Variants in FREM3 observed in about 807,000 individuals in gnomAD.
The protein encoded by FREM3 is FRAS1 related extracellular matrix 3.
Under a neutral mutation model 129.1 loss-of-function variants are expected in FREM3, and 105 were observed. The ratio of observed to expected loss-of-function variants is 0.81; its 90% CI spans 0.69 to 0.96. FREM3 has a LOEUF of 0.96. Ranked by LOEUF, FREM3 falls within the 40% of genes least tolerant of loss-of-function variation. The pLI is 0.00. For missense variants in FREM3, 2,593 were observed against 2,666.3 expected, an observed-to-expected ratio of 0.97 and a Z score of 0.61; for synonymous variants, 1,014 against 1,044.9, an observed-to-expected ratio of 0.97 and a Z score of 0.57.
chr4:143,678,574 G>C (rs1352579202), intron 2 of FREM3, among the ~76,000 whole-genome samples: 1 of 151,530 alleles, frequency 6.6e-6, no homozygotes, highest in Non-Finnish European at 1.5e-5. Context: ...AGAAGAAAAA[G>C]CCTGTGTTTG....
At position 143,700,211 on chromosome 4, in the gene FREM3, G is replaced by A. The variant is rs1256598430; in HGVS notation, c.465C>T (p.Pro155=). Residue 155 remains proline (P), a synonymous_variant, in exon 1 of 8, where the codon CCC becomes CCT. Coordinates refer to ENST00000329798, the MANE Select transcript of FREM3 (RefSeq NM_001168235.2). ...YDAPTHTLVL[P]FTLAVDLVFS... Reference sequence around the variant, plus strand: ...AGACCAAGTCCACCGCCAGCGTGAAGGGCAGCACCAGAGTGTGAGTCGGGG... The same window carrying A: ...AGACCAAGTCCACCGCCAGCGTGAAAGGCAGCACCAGAGTGTGAGTCGGGG... The A allele has an allele frequency of 1.3e-6, 2 of 1,536,996 alleles. No individual in the cohort carries two copies. The highest frequency in any genetic ancestry group is 2.4e-5 in the East Asian group (1 of 40,914).
chr4:143,614,241 A>T (rs920541204), intron 5 of FREM3, among the ~76,000 whole-genome samples: 4 of 152,216 alleles, frequency 2.6e-5, no homozygotes, highest in Non-Finnish European at 5.9e-5. Context: ...TCCTTTTAGG[A>T]TTCTAGAAAA....
intron 2 of FREM3, among the ~76,000 whole-genome samples, chr4:143,666,084 G>A (rs924914002): frequency 1.3e-5 from 2 of 151,990 alleles, no homozygotes; most frequent in African/African-American, 4.8e-5. Flanking sequence ...ATACCTGCCA[G>A]GGTTTTACAA....
At position 143,696,807 on chromosome 4, in the gene FREM3, G is replaced by A. The variant is rs910743911; in HGVS notation, c.3869C>T (p.Thr1290Ile). Residue 1290 changes from threonine (T) to isoleucine (I), a missense_variant, in exon 1 of 8, where the codon ACA (threonine) becomes ATA (isoleucine). Thr to Ile is a moderately conservative substitution (Grantham distance 89). Coordinates refer to ENST00000329798, the MANE Select transcript of FREM3 (RefSeq NM_001168235.2). The stretch of plus-strand genomic sequence containing the variant: ...TACAATGGGTACCTTCCTGTGGGTT[G>A]TGTGCTTGCCGTCACTCAGCCAGAC... ...FEVWLSDGKH[T>I]THRKVPIVVT... 6 of 1,537,782 alleles carry A rather than the reference G, an allele frequency of 3.9e-6. No individual in the cohort carries two copies. The highest frequency in any genetic ancestry group is 5.2e-6 in the Non-Finnish European group (6 of 1,147,034).
chr4:143,603,839 A>G (rs895024762), intron 6 of FREM3, among the ~76,000 whole-genome samples: 1 of 152,122 alleles, frequency 6.6e-6, no homozygotes, highest in Admixed American at 6.6e-5. Context: ...CTGTAATTCA[A>G]CAGTGTATAG....
At chr4:143,640,528 G>A (rs1739305108) in intron 2 of FREM3, among the ~76,000 whole-genome samples, 1 of 152,098 alleles carries the variant, frequency 6.6e-6, no homozygotes, top group South Asian at 2.1e-4. Flanking sequence ...AAATTAGCTG[G>A]GCGTGGTGAC....
intron 2 of FREM3, among the ~76,000 whole-genome samples, chr4:143,662,782 A>G (rs1739762159): frequency 1.3e-5 from 2 of 151,926 alleles, no homozygotes; most frequent in Non-Finnish European, 1.5e-5. Context: ...TTGGGTGTAT[A>G]TATATTTAGG....
intron 4 of FREM3, 107 bp downstream of exon 4, chr4:143,624,001 A>G (rs1036601871): frequency 1.1e-5 from 7 of 641,084 alleles, no homozygotes; most frequent in Non-Finnish European, 1.6e-5. Flanking sequence ...TCCTAAATGG[A>G]TATGAACGCA....
chr4:143,660,536 CT>C (rs1428463763), intron 2 of FREM3, among the ~76,000 whole-genome samples: 1 of 152,130 alleles, frequency 6.6e-6, no homozygotes, highest in Non-Finnish European at 1.5e-5. Context: ...CAGCTTTGTT[CT>C]TTTGGCTTAG....
At chr4:143,599,446 G>T (rs1160966805) in intron 6 of FREM3, among the ~76,000 whole-genome samples, 1 of 152,158 alleles carries the variant, frequency 6.6e-6, no homozygotes, top group Non-Finnish European at 1.5e-5. Context: ...AAATGAAGAG[G>T]TTGAACTAGA....
intron 2 of FREM3, among the ~76,000 whole-genome samples, chr4:143,639,050 C>T (rs1394352927): frequency 6.6e-6 from 1 of 151,988 alleles, no homozygotes; most frequent in African/African-American, 2.4e-5. Flanking sequence ...ATGTAAGGAT[C>T]CTTCTGTGTT....
Position 143,585,502 on chromosome 4 carries a change from C to T in FREM3, c.6178+342G>A, listed in dbSNP as rs929801919. Among the ~76,000 whole-genome samples the T allele has an allele frequency of 2.0e-5, 3 of 152,156 alleles. No individual in the cohort carries two copies. Among genetic ancestry groups the T allele is most frequent in the South Asian group, 2.1e-4 (1 of 4,818 alleles). The stretch of plus-strand genomic sequence containing the variant: ...TCTAATATGTGACGAGATTCTTCCA[C>T]GAGTTGGGACTTGCTTGGCCATTAT... On this transcript the variant is annotated intron_variant, in intron 7 of 7. Coordinates refer to ENST00000329798, the MANE Select transcript of FREM3 (RefSeq NM_001168235.2). This position sits in a 1 kb window ranked among gnomAD's most constrained non-coding sequence, Gnocchi z 4.2.
chr4:143,683,611 GA>G (rs1421123544), intron 2 of FREM3, among the ~76,000 whole-genome samples: 1 of 152,238 alleles, frequency 6.6e-6, no homozygotes, highest in Non-Finnish European at 1.5e-5. Context: ...CAGGGACAAG[GA>G]AATCTCTAGG....
chr4:143,608,864 T>C (rs1738708906), intron 6 of FREM3, among the ~76,000 whole-genome samples: 1 of 152,068 alleles, frequency 6.6e-6, no homozygotes, highest in Non-Finnish European at 1.5e-5. Flanking sequence ...AGTTCTTGCT[T>C]CACTAATTAA....
chr4:143,583,421 C>T (rs775854351), intron 7 of FREM3, among the ~76,000 whole-genome samples: 3 of 152,084 alleles, frequency 2.0e-5, no homozygotes, highest in Non-Finnish European at 4.4e-5. Context: ...CCCAACTTCA[C>T]TAGAGAGGCC....
At chr4:143,663,029 C>G (rs1324979758) in intron 2 of FREM3, among the ~76,000 whole-genome samples, 1 of 152,106 alleles carries the variant, frequency 6.6e-6, no homozygotes, top group Non-Finnish European at 1.5e-5. Flanking sequence ...GGTCTTGACT[C>G]TTTATCCGAT....
Position 143,698,228 on chromosome 4 carries a change from G to A in FREM3, c.2448C>T (p.Gly816=). The A allele has an allele frequency of 6.5e-7, 1 of 1,537,404 alleles. No individual in the cohort carries two copies. The highest frequency in any genetic ancestry group is 8.7e-7 in the Non-Finnish European group (1 of 1,146,930). Residue 816 remains glycine, a synonymous_variant, in exon 1 of 8, where the codon GGC becomes GGT. Transcript: ENST00000329798. ...VEDAAGNSVP[G]TFTLFLQPVD... The stretch of plus-strand genomic sequence containing the variant: ...CAGGTTGCAGGAATAATGTGAATGT[G>A]CCTGGCACGCTATTGCCTGCAGCAT...
chr4:143,686,631 C>T (rs1201663666), intron 2 of FREM3, among the ~76,000 whole-genome samples: 1 of 152,158 alleles, frequency 6.6e-6, no homozygotes, highest in Non-Finnish European at 1.5e-5. Context: ...AGCACTCTTT[C>T]AGACCATAGT....
At chr4:143,593,872 G>A (rs1403601252) in intron 6 of FREM3, among the ~76,000 whole-genome samples, 1 of 152,228 alleles carries the variant, frequency 6.6e-6, no homozygotes, top group African/African-American at 2.4e-5. Context: ...TTGAGCTGTG[G>A]TGGGCTCTAC....
Sources: allele counts gnomAD v4.1 joint callset (sites outside exome capture counted in the v4.1 genomes callset), GRCh38; gene constraint gnomAD v4.1.1; non-coding constraint Gnocchi (gnomAD v3.1); transcripts MANE v1.5; gene names NCBI Gene and HGNC (gene_info 2026-07-23, HGNC 2026-07-21).